The following KMO variants were observed in gnomAD, a reference collection of about 807,000 sequenced individuals.
KMO encodes kynurenine 3-hydroxylase.
A neutral mutation model predicts 57.8 loss-of-function variants in KMO; 24 were observed. The observed-to-expected ratio is 0.42, with a 90% CI of 0.30 to 0.58. KMO has a LOEUF of 0.58. Among genes scored for constraint, KMO ranks in the 20% least tolerant of loss-of-function variants. The pLI, the probability that KMO is intolerant of heterozygous loss-of-function variation, is 0.22. For synonymous variants in KMO, 210 were observed against 193.6 expected, an observed-to-expected ratio of 1.08 and a Z score of -0.70; for missense variants, 483 against 588.2, an observed-to-expected ratio of 0.82 and a Z score of 1.85.
intron 10 of KMO, among the ~76,000 whole-genome samples, chr1:241,585,902 T>G (rs1205165907): frequency 2.0e-5 from 3 of 152,094 alleles, no homozygotes; most frequent in Non-Finnish European, 4.4e-5. Flanking sequence ...ATTACTAATT[T>G]TGTGGACTTC....
intron 8 of KMO, among the ~76,000 whole-genome samples, chr1:241,566,198 TC>T (rs1394827603): frequency 1.3e-5 from 2 of 152,174 alleles, no homozygotes; most frequent in African/African-American, 4.8e-5. Flanking sequence ...AGAGTGAGAC[TC>T]TATCTCAAAA....
At chr1:241,561,204 T>G (rs1004442386) in intron 6 of KMO, among the ~76,000 whole-genome samples, 1 of 152,198 alleles carries the variant, frequency 6.6e-6, no homozygotes, top group African/African-American at 2.4e-5. Context: ...AGATGAACAT[T>G]TCCAGTCCAA....
rs528265996 is a variant in KMO at position 241,571,218 on chromosome 1, T to C, written c.957+2571T>C. ...TTTTGTAAAACATAAGGTCATATTT[T>C]CTGCAAACTAGGATAATTTGACTTC... is the stretch of plus-strand genomic sequence containing the variant. On this transcript the variant is annotated intron_variant, in intron 10 of 14. Transcript: ENST00000366559. Among the ~76,000 whole-genome samples the C allele has an allele frequency of 4.6e-5, 7 of 152,220 alleles. No individual in the cohort carries two copies. The South Asian group carries it at 1.2e-3, about 27-fold the overall frequency.
At chr1:241,549,584 C>T (rs1573909964) in intron 2 of KMO, 93 bp from the exon 3 acceptor site, 5 of 650,174 alleles carry the variant, frequency 7.7e-6, no homozygotes, top group Admixed American at 5.2e-5. Flanking sequence ...AATGTGGTTC[C>T]GAATGAACCA....
intron 4 of KMO, among the ~76,000 whole-genome samples, chr1:241,553,037 C>CT (rs1661470426): frequency 6.6e-6 from 1 of 152,156 alleles, no homozygotes; most frequent in African/African-American, 2.4e-5. Context: ...ATAAAATAAA[C>CT]TTTTTTTCTA....
intron 5 of KMO, among the ~76,000 whole-genome samples, chr1:241,556,703 C>T (rs1392626292): frequency 6.6e-6 from 1 of 152,078 alleles, no homozygotes; most frequent in Non-Finnish European, 1.5e-5. Context: ...TATGGTGAAA[C>T]CCTGTATCTA....
chr1:241,539,746 C>T (rs1660891070), intron 1 of KMO, among the ~76,000 whole-genome samples: 1 of 152,142 alleles, frequency 6.6e-6, no homozygotes, highest in Admixed American at 6.6e-5. Flanking sequence ...TATCCTTACT[C>T]CATTCCCCCA....
chr1:241,550,815 A>T, intron 3 of KMO, 140 bp from the exon 4 acceptor site: 1 of 528,442 alleles, frequency 1.9e-6, no homozygotes, highest in African/African-American at 2.0e-5. Context: ...AGTTTCTACC[A>T]CGTTGGGCTT....
At chr1:241,548,525 T>A (rs1447948161) in intron 1 of KMO, among the ~76,000 whole-genome samples, 1 of 152,024 alleles carries the variant, frequency 6.6e-6, no homozygotes, top group African/African-American at 2.4e-5. Context: ...TTCTAATTAT[T>A]CTGTAAGATA....
At position 241,591,950 on chromosome 1, in the gene KMO, C is replaced by T. The variant is rs749049183; in HGVS notation, c.1261-3C>T. On this transcript the variant is annotated splice_polypyrimidine_tract_variant and splice_region_variant and intron_variant, in intron 14 of 14. Transcript: ENST00000366559. ...TGAAATGAGAGTTCTTGCTGTCTTA[C>T]AGGTGATAAACAAAGGACTCTTTTT... 1.9e-6 allele frequency: 3 copies of T among 1,611,534 alleles called. No homozygotes were observed. The highest frequency in any genetic ancestry group is 1.7e-4 in the Middle Eastern group (1 of 6,054).
chr1:241,565,013 T>C lies in KMO; in HGVS notation c.642T>C (p.His214=). The change falls in exon 8 of 15, where the codon CAT becomes CAC. Residue 214 remains histidine (H), a synonymous_variant. Transcript: ENST00000366559. ...ATGCCATGGAACCTAATTATCTGCA[T>C]ATTTGGCCTAGAAATACCTTTATGA... is the stretch of plus-strand genomic sequence containing the variant. ...GDYAMEPNYL[H]IWPRNTFMMI... 6.2e-7 allele frequency: 1 copy of C among 1,607,480 alleles called. No individual in the cohort carries two copies. The highest frequency in any genetic ancestry group is 8.5e-7 in the Non-Finnish European group (1 of 1,174,202).
intron 5 of KMO, among the ~76,000 whole-genome samples, chr1:241,560,456 G>A (rs955244829): frequency 6.6e-6 from 1 of 152,134 alleles, no homozygotes; most frequent in Non-Finnish European, 1.5e-5. Context: ...GAGGATAATT[G>A]ATTTTTATTC....
At chr1:241,589,968 C>A (rs1663180733) in intron 12 of KMO, 44 bp from the exon 13 acceptor site, 1 of 1,370,052 alleles carries the variant, frequency 7.3e-7, no homozygotes, top group Non-Finnish European at 1.0e-6. Flanking sequence ...TGAGAAATAG[C>A]TGTATTTGTT....
rs1462565424 is a variant in KMO at position 241,594,556 on chromosome 1, T to C, written c.*2403T>C. 1 of 1,614,152 alleles carries C rather than the reference T, an allele frequency of 6.2e-7. No homozygotes were observed. Among genetic ancestry groups the C allele is most frequent in the Non-Finnish European group, 8.5e-7 (1 of 1,180,008 alleles). The stretch of plus-strand genomic sequence containing the variant: ...GAAGAGTTGAAAGTCACTTTTTTCT[T>C]TGGCCTGTCCCCATCTTTCTGTGAC... On this transcript the variant is annotated 3_prime_UTR_variant, in exon 15 of 15. Transcript: ENST00000366559.
Position 241,568,532 on chromosome 1 carries a change from C to T in KMO, c.842C>T (p.Pro281Leu). 2 of 1,613,822 alleles carry T rather than the reference C, an allele frequency of 1.2e-6. No homozygotes were observed. The highest frequency in any genetic ancestry group is 1.7e-6 in the Non-Finnish European group (2 of 1,179,822). The part of the protein sequence containing the change: ...KLLVQDFFLL[P>L]AQPMISVKCS... ...CTAGTGCAAGATTTCTTCCTGTTGC[C>T]TGCCCAGCCCATGATATCTGTAAAG... Residue 281 changes from proline to leucine, a missense_variant, in exon 10 of 15, where the codon CCT (proline) becomes CTT (leucine). By Grantham distance (98) the Pro-to-Leu change is moderately conservative (BLOSUM62 -3). Around this residue, in one of 3 missense-constraint regions of KMO, gnomAD observed 410 missense variants for 492.3 expected, o/e 0.83. Coordinates refer to ENST00000366559, the MANE Select transcript of KMO (RefSeq NM_003679.5).
chr1:241,577,477 G>A (rs2147975392), intron 10 of KMO, among the ~76,000 whole-genome samples: 1 of 152,180 alleles, frequency 6.6e-6, no homozygotes, highest in South Asian at 2.1e-4. Context: ...GCCTAATTCG[G>A]CTCTTGGTGC....
chr1:241,563,638 T>C (rs1661965151), intron 7 of KMO, among the ~76,000 whole-genome samples: 1 of 152,214 alleles, frequency 6.6e-6, no homozygotes, highest in Non-Finnish European at 1.5e-5. Context: ...TGTTCCAGAC[T>C]TAAGAAGAAC....
At chr1:241,587,674 C>T (rs947695112) in intron 11 of KMO, among the ~76,000 whole-genome samples, 4 of 152,038 alleles carry the variant, frequency 2.6e-5, no homozygotes, top group Admixed American at 2.6e-4. Context: ...GAACTCCTGA[C>T]CTCAAGTGAT....
chr1:241,594,849 C>T lies in KMO; in HGVS notation c.*2696C>T. ...TGGTCATGCTCAGATCTACCTAAAT[C>T]ACCCCAGAGCTTTATGTCTTTTATT... On this transcript the variant is annotated 3_prime_UTR_variant, in exon 15 of 15. Transcript: ENST00000366559. The T allele has an allele frequency of 1.4e-6, 1 of 704,932 alleles. No individual in the cohort carries two copies. Among genetic ancestry groups the T allele is most frequent in the Non-Finnish European group, 2.3e-6 (1 of 429,086 alleles). The allele number at this position is 704,932 out of a possible 1,614,324, so 43.7% of individuals were successfully genotyped here.
Sources: allele counts gnomAD v4.1 joint callset (sites outside exome capture counted in the v4.1 genomes callset), GRCh38; gene constraint gnomAD v4.1.1; regional missense constraint gnomAD v4.1.1; transcripts MANE v1.5; gene names NCBI Gene and HGNC (gene_info 2026-07-23, HGNC 2026-07-21).